The following TPM4 variants were observed in gnomAD, a reference collection of about 807,000 sequenced individuals.
TPM4 encodes tropomyosin 4.
A neutral mutation model predicts 35.8 loss-of-function variants in TPM4; 17 were observed. The ratio of observed to expected loss-of-function variants is 0.47; its 90% confidence interval spans 0.32 to 0.71. The LOEUF (loss-of-function observed/expected upper bound fraction) is 0.71, where lower values mean the gene tolerates loss of function less well. Ranked by LOEUF, TPM4 falls within the 30% of genes least tolerant of loss-of-function variation. TPM4 has a pLI of 0.03. For missense variants in TPM4, 240 were observed against 320.9 expected, an observed-to-expected ratio of 0.75 and a Z score of 1.93; for synonymous variants, 120 against 122.9, an observed-to-expected ratio of 0.98 and a Z score of 0.15.
chr19:16,098,335 G>C (rs1200691573), intron 7 of TPM4, among the ~76,000 whole-genome samples: 2 of 152,002 alleles, frequency 1.3e-5, no homozygotes, highest in Non-Finnish European at 2.9e-5. Context: ...CCCAGCTACT[G>C]GGGAGGCTGA....
In TPM4 at chr19:16,076,611, G is replaced by A; in HGVS notation, c.46G>A (p.Ala16Thr). The A allele has an allele frequency of 6.8e-7, 1 of 1,467,030 alleles. No individual in the cohort carries two copies. The highest frequency in any genetic ancestry group is 9.0e-7 in the Non-Finnish European group (1 of 1,115,842). 90.9% of individuals were successfully genotyped at this position (1,467,030 alleles called of 1,614,324 possible). Residue 16 changes from alanine (A) to threonine (T), a missense_variant, in exon 1 of 8, where the codon GCC becomes ACC. Transcript: ENST00000643579. Reference protein sequence around the residue: ...SLEAVKRKIQALQQQADEAED... With the variant: ...SLEAVKRKIQTLQQQADEAED... ...GGAGGCGGTGAAACGCAAGATCCAG[G>A]CCCTGCAGCAGCAGGCGGACGAGGC...
intron 5 of TPM4, among the ~76,000 whole-genome samples, chr19:16,089,542 C>T (rs141116805): frequency 5.5e-4 from 84 of 152,282 alleles, no homozygotes; most frequent in African/African-American, 1.9e-3. Flanking sequence ...GTGGCAGCTA[C>T]GTCGGGAACA....
chr19:16,076,463 C>T, upstream of TPM4: 2 of 1,333,410 alleles, frequency 1.5e-6, no homozygotes, highest in Non-Finnish European at 1.9e-6. Context: ...GGCCCCCGCG[C>T]AGGCAAAGGC....
Position 16,070,960 on chromosome 19 carries a change from T to A in TPM4, c.114+3222T>A, listed in dbSNP as rs2090351636. 2.0e-5 allele frequency among the ~76,000 whole-genome samples: 3 copies of A among 152,186 alleles called. No individual in the cohort carries two copies. In the South Asian group the frequency reaches 6.2e-4, roughly 31 times the overall value. ...AGCCAGAGATTCGGAGAGAAACAAGTTTATAGCACTAATTCTTACTAAGGT... is the reference window on the plus strand; with the variant it reads ...AGCCAGAGATTCGGAGAGAAACAAGATTATAGCACTAATTCTTACTAAGGT... On this transcript the variant is annotated intron_variant, in intron 2 of 2. Coordinates refer to the TPM4 transcript ENST00000589897. The surrounding 1 kb of genome is among the most constrained non-coding windows in gnomAD (Gnocchi z 7.4).
intron 2 of TPM4, among the ~76,000 whole-genome samples, chr19:16,084,357 C>T (rs1438988430): frequency 6.6e-6 from 1 of 152,252 alleles, no homozygotes; most frequent in Non-Finnish European, 1.5e-5. Flanking sequence ...GACGCTACTG[C>T]AGACTCTGCT....
intron 7 of TPM4, chr19:16,095,451 G>A: frequency 2.9e-6 from 3 of 1,026,134 alleles, no homozygotes; most frequent in Non-Finnish European, 3.5e-6. Flanking sequence ...GAACGTCAGA[G>A]CCTTCTTCTG....
chr19:16,086,423 A>G lies in TPM4; in HGVS notation c.267A>G (p.Arg89=). The part of the protein sequence containing the change: ...EAEKAADESE[R]GMKVIENRAM... ...GTCCTGATGAGATTGCTCCTTGCAG[A>G]GGAATGAAGGTGATAGAAAACCGGG... Residue 89 remains arginine, a splice_region_variant and synonymous_variant, in exon 3 of 8, where the codon AGA becomes AGG. Transcript: ENST00000643579. 1 of 1,612,528 alleles carries G rather than the reference A, an allele frequency of 6.2e-7. No homozygotes were observed. The highest frequency in any genetic ancestry group is 8.5e-7 in the Non-Finnish European group (1 of 1,179,714).
At chr19:16,097,368 G>A (rs1282202186) in intron 7 of TPM4, among the ~76,000 whole-genome samples, 2 of 151,818 alleles carry the variant, frequency 1.3e-5, no homozygotes, top group African/African-American at 4.8e-5. Flanking sequence ...TCTGCCTCAC[G>A]GGTTCAAGCA....
rs145993751 is a variant in TPM4, at chr19:16,093,679, T to A, written c.595-5T>A. Reference sequence around the variant, plus strand: ...CATGATAGTAACTCCTTTCTTCTTATCTAGGCTGAGACCCGTGCTGAATTT... The same window carrying A: ...CATGATAGTAACTCCTTTCTTCTTAACTAGGCTGAGACCCGTGCTGAATTT... On this transcript the variant is annotated splice_polypyrimidine_tract_variant and splice_region_variant and intron_variant, in intron 6 of 7. Coordinates refer to ENST00000643579, the MANE Select transcript of TPM4 (RefSeq NM_003290.3). 6.2e-7 allele frequency: 1 copy of A among 1,614,216 alleles called. No individual in the cohort carries two copies. The highest frequency in any genetic ancestry group is 1.1e-5 in the South Asian group (1 of 91,086).
intron 1 of TPM4, 45 bp downstream of exon 1, chr19:16,076,742 C>T: frequency 1.6e-6 from 2 of 1,284,142 alleles, no homozygotes; most frequent in South Asian, 2.3e-5. Flanking sequence ...CCTCCTCCCC[C>T]GCGCGCCCTC....
chr19:16,077,926 T>C (rs1039944551), intron 1 of TPM4: 18 of 340,750 alleles, frequency 5.3e-5, no homozygotes, highest in Admixed American at 9.6e-5. Flanking sequence ...CACGCCCAGC[T>C]AATTTTTTTT....
intron 2 of TPM4, among the ~76,000 whole-genome samples, chr19:16,083,186 A>G (rs887868024): frequency 3.3e-5 from 5 of 152,058 alleles, no homozygotes; most frequent in Non-Finnish European, 5.9e-5. Context: ...GCTCACGCCT[A>G]TAATCCCAGC....
chr19:16,088,168 T>C, intron 4 of TPM4, 71 bp downstream of exon 4: 1 of 1,554,950 alleles, frequency 6.4e-7, no homozygotes, highest in South Asian at 1.2e-5. Flanking sequence ...GCTGGCTGTG[T>C]TGGGAATTGG....
chr19:16,076,378 T>C (rs1428094338), upstream of TPM4: 1 of 1,406,784 alleles, frequency 7.1e-7, no homozygotes, highest in Non-Finnish European at 9.2e-7. Flanking sequence ...CCAGCGGTGC[T>C]GACGTCGGCG....
chr19:16,102,854 T>G lies in TPM4; in HGVS notation c.*1508T>G. 1 of 141,222 alleles carries G rather than the reference T, an allele frequency of 7.1e-6. No homozygotes were observed. The allele number at this position is 141,222 out of a possible 1,614,324, so 8.7% of individuals were successfully genotyped here. On this transcript the variant is annotated 3_prime_UTR_variant, in exon 8 of 8. Transcript: ENST00000643579. The stretch of plus-strand genomic sequence containing the variant: ...TACCCACCCCACCCCACCACCCTAC[T>G]CCTATTTATTCAGCACCACACTACC...
In TPM4 at chr19:16,101,455, G is replaced by A. The variant is rs1290732134; in HGVS notation, c.*109G>A. On this transcript the variant is annotated 3_prime_UTR_variant, in exon 8 of 8. Coordinates refer to ENST00000643579, the MANE Select transcript of TPM4 (RefSeq NM_003290.3). ...TTGCCATCTTCGCTTTGCTGGAAAT[G>A]TCAAGCAAATTATGAATACATGACC... 1.3e-6 allele frequency: 1 copy of A among 775,648 alleles called. No homozygotes were observed. Among genetic ancestry groups the A allele is most frequent in the African/African-American group, 1.8e-5 (1 of 55,496 alleles). 48.0% of individuals were successfully genotyped at this position (775,648 alleles called of 1,614,324 possible). A position where few individuals can be genotyped will look rare whatever the true frequency, so the allele number is the denominator to read the frequency against.
At chr19:16,101,202 T>TG (rs2090759905) in intron 7 of TPM4, 62 bp from the exon 8 acceptor site, 1 of 1,334,658 alleles carries the variant, frequency 7.5e-7, no homozygotes, top group Non-Finnish European at 1.0e-6. Flanking sequence ...ATCTTTTTTT[T>TG]TCTTTCATTT....
upstream of TPM4, among the ~76,000 whole-genome samples, chr19:16,072,089 G>C (rs560505854): frequency 6.2e-4 from 95 of 152,370 alleles, no homozygotes; most frequent in African/African-American, 2.3e-3. Flanking sequence ...CGTAGTGCTG[G>C]AATTACAGGC....
At chr19:16,076,803 C>G in intron 1 of TPM4, 106 bp downstream of exon 1, 1 of 1,266,056 alleles carries the variant, frequency 7.9e-7, no homozygotes, top group Non-Finnish European at 1.0e-6. Flanking sequence ...CCTCGGGCCG[C>G]CTTTTTACGC....
Sources: gnomAD v4.1 joint callset for allele counts (sites outside exome capture counted in the v4.1 genomes callset) on GRCh38, gnomAD v4.1.1 for gene constraint, Gnocchi (gnomAD v3.1) non-coding constraint, MANE v1.5 for transcripts, NCBI Gene and HGNC (gene_info 2026-07-23, HGNC 2026-07-21) for gene names.